The following DCLK1 variants were observed in gnomAD, a reference collection of about 807,000 sequenced individuals.
DCLK1 encodes the protein serine/threonine-protein kinase DCLK1.
Under a neutral mutation model 86.2 loss-of-function variants are expected in DCLK1, and 16 were observed. The ratio of observed to expected loss-of-function variants is 0.19; its 90% confidence interval spans 0.13 to 0.28. DCLK1 has a LOEUF of 0.28. Ranked by LOEUF, DCLK1 falls within the 10% of genes least tolerant of loss-of-function variation. The probability of loss-of-function intolerance (pLI) is 1.00; values close to 1 mark genes in which losing one functional copy is unlikely to be tolerated. For synonymous variants in DCLK1, 369 were observed against 370.5 expected (o/e 1.00, Z 0.05); for missense variants, 590 against 940.2 (o/e 0.63, Z 4.87).
chr13:36,111,018 T>G (rs1885598226), intron 3 of DCLK1, among the ~76,000 whole-genome samples: 1 of 151,562 alleles, frequency 6.6e-6, no homozygotes, highest in Admixed American at 6.6e-5. Context: ...TTATTTTGAG[T>G]AGAGACGGGG....
At chr13:35,846,683 T>G (rs1870198023) in intron 6 of DCLK1, 1 of 985,344 alleles carries the variant, frequency 1.0e-6, no homozygotes, top group Admixed American at 6.1e-5. Flanking sequence ...TTTCACACTA[T>G]GCCTCTGTGC....
chr13:35,990,294 G>A (rs890803421), intron 3 of DCLK1, among the ~76,000 whole-genome samples: 9 of 152,068 alleles, frequency 5.9e-5, no homozygotes, highest in African/African-American at 1.7e-4. Flanking sequence ...ACTACACTAC[G>A]GCTTCTATTA....
chr13:35,836,905 T>C (rs1201815246), intron 7 of DCLK1, among the ~76,000 whole-genome samples: 1 of 152,206 alleles, frequency 6.6e-6, no homozygotes, highest in Admixed American at 6.5e-5. Flanking sequence ...CACAGTTAGG[T>C]CACGTAAATA....
At chr13:35,953,258 G>T (rs1459677366) in intron 3 of DCLK1, among the ~76,000 whole-genome samples, 1 of 152,058 alleles carries the variant, frequency 6.6e-6, no homozygotes, top group African/African-American at 2.4e-5. Flanking sequence ...AAAATCAGTA[G>T]GAATTTGAAC....
chr13:36,093,718 A>G (rs1884912560), intron 3 of DCLK1, among the ~76,000 whole-genome samples: 1 of 152,178 alleles, frequency 6.6e-6, no homozygotes, highest in African/African-American at 2.4e-5. Flanking sequence ...CCTCTCAAAT[A>G]CCCTAAGGAA....
chr13:35,865,147 TTTA>T (rs1333161771), intron 5 of DCLK1, among the ~76,000 whole-genome samples: 3 of 152,218 alleles, frequency 2.0e-5, no homozygotes, highest in Non-Finnish European at 2.9e-5. Flanking sequence ...TTAGAGTTAT[TTTA>T]TTATAATTTC....
At chr13:36,012,374 C>A (rs1881313542) in intron 3 of DCLK1, among the ~76,000 whole-genome samples, 1 of 151,844 alleles carries the variant, frequency 6.6e-6, no homozygotes, top group South Asian at 2.1e-4. Context: ...ACCGGTTGTT[C>A]CTTTCCATGT....
At chr13:35,958,163 C>CACCACTATAACCACCACT (rs1878191015) in intron 3 of DCLK1, among the ~76,000 whole-genome samples, 1 of 33,806 alleles carries the variant, frequency 3.0e-5, no homozygotes, top group Admixed American at 2.1e-4. Context: ...CTATAACCAT[C>CACCACTATAACCACCACT]ACCACCATCA....
intron 6 of DCLK1, chr13:35,848,000 C>T (rs1351792094): frequency 3.0e-6 from 3 of 985,118 alleles, no homozygotes; most frequent in Admixed American, 6.2e-5. Flanking sequence ...AACTTTTGCA[C>T]TTCTAAAATG....
chr13:35,838,252 A>G (rs1869537721), intron 7 of DCLK1, among the ~76,000 whole-genome samples: 1 of 152,172 alleles, frequency 6.6e-6, no homozygotes, highest in Admixed American at 6.5e-5. Flanking sequence ...AAATAATTAT[A>G]CTGTAAATCA....
At chr13:36,077,120 A>G (rs796535128) in intron 3 of DCLK1, among the ~76,000 whole-genome samples, 8 of 152,296 alleles carry the variant, frequency 5.3e-5, no homozygotes, top group Middle Eastern at 3.4e-3. Flanking sequence ...ATGCTTCTCA[A>G]CTACCCAGTG....
At chr13:35,784,992 C>A (rs539309303) in intron 16 of DCLK1, among the ~76,000 whole-genome samples, 1 of 152,170 alleles carries the variant, frequency 6.6e-6, no homozygotes, top group African/African-American at 2.4e-5. Flanking sequence ...GCGGCCATCA[C>A]CGCTCTGCCT....
At chr13:36,030,391 G>GCAGAGGA (rs1214055911) in intron 3 of DCLK1, among the ~76,000 whole-genome samples, 1 of 151,888 alleles carries the variant, frequency 6.6e-6, no homozygotes, top group African/African-American at 2.4e-5. Context: ...CTGCCTCCTG[G>GCAGAGGA]GTTCAAGCAA....
chr13:35,988,110 G>T (rs577453145), intron 3 of DCLK1, among the ~76,000 whole-genome samples: 1 of 152,270 alleles, frequency 6.6e-6, no homozygotes, highest in African/African-American at 2.4e-5. Flanking sequence ...GATGGGGCTG[G>T]AAGACCCAGC....
chr13:36,068,617 T>C (rs1315139103), intron 3 of DCLK1, among the ~76,000 whole-genome samples: 1 of 152,100 alleles, frequency 6.6e-6, no homozygotes, highest in Non-Finnish European at 1.5e-5. Context: ...CTATATTTAA[T>C]AACTAGTTAA....
At chr13:36,124,302 T>C (rs1158058272) in intron 2 of DCLK1, among the ~76,000 whole-genome samples, 1 of 152,216 alleles carries the variant, frequency 6.6e-6, no homozygotes, top group Admixed American at 6.5e-5. Flanking sequence ...TAAAATTTCA[T>C]GTTAATTCTT....
chr13:36,020,769 C>A (rs571829572), intron 3 of DCLK1, among the ~76,000 whole-genome samples: 77 of 152,064 alleles, frequency 5.1e-4, no homozygotes, highest in African/African-American at 1.8e-3. Context: ...ATTCTATATC[C>A]AGCTAAACTA....
chr13:35,774,806 C>T, intron 16 of DCLK1, 107 bp from the exon 17 acceptor site: 1 of 1,258,450 alleles, frequency 7.9e-7, no homozygotes. Context: ...TGGCCAAGTT[C>T]ACCTGTCCAT....
At chr13:35,994,074 A>G (rs200242085) in intron 3 of DCLK1, among the ~76,000 whole-genome samples, 1 of 149,902 alleles carries the variant, frequency 6.7e-6, no homozygotes, top group Non-Finnish European at 1.5e-5. Context: ...AGCCCTTTGA[A>G]AAAAAGAAAA....
Sources: allele counts gnomAD v4.1 joint callset (sites outside exome capture counted in the v4.1 genomes callset), GRCh38; gene constraint gnomAD v4.1.1; transcripts MANE v1.5; gene names NCBI Gene and HGNC (gene_info 2026-07-23, HGNC 2026-07-21).